The following ZFHX3 variants were observed in gnomAD, a reference collection of about 807,000 sequenced individuals.
ZFHX3 encodes zinc finger homeobox 3.
In ZFHX3, 42 loss-of-function variants were observed where a neutral mutation model predicts 279.1. That is an observed-to-expected ratio of 0.15 (90% confidence interval 0.12 to 0.19). The LOEUF (loss-of-function observed/expected upper bound fraction) is 0.19, where lower values mean the gene tolerates loss of function less well. Ranked by LOEUF, ZFHX3 falls within the 10% of genes least tolerant of loss-of-function variation. ZFHX3 has a pLI of 1.00. For synonymous variants in ZFHX3, 2,293 were observed against 1,957.8 expected (o/e 1.17, Z -4.52); for missense variants, 4,981 against 4,754.0 (o/e 1.05, Z -1.40).
intron 2 of ZFHX3, among the ~76,000 whole-genome samples, chr16:73,576,716 AAAAAC>A (rs1158883323): frequency 1.3e-5 from 2 of 151,932 alleles, no homozygotes; most frequent in Non-Finnish European, 2.9e-5. Flanking sequence ...AAACAAAAAC[AAAAAC>A]AAAAAACCTT....
At chr16:73,059,260 G>A (rs369993223) in exon 1 of ZFHX3, 1 of 149,336 alleles carries the variant, frequency 6.7e-6, no homozygotes, top group Admixed American at 6.7e-5. Context: ...AGGGCAAGGA[G>A]AGCAGGAAGA....
At chr16:73,676,826 G>C (rs555717773) in intron 2 of ZFHX3, among the ~76,000 whole-genome samples, 1 of 151,840 alleles carries the variant, frequency 6.6e-6, no homozygotes. Flanking sequence ...ATTAGTATTA[G>C]AGAAATAAAA....
Position 72,788,077 on chromosome 16 carries a change from T to A in ZFHX3, c.10199A>T (p.Gln3400Leu). Residue 3400 changes from glutamine to leucine, a missense_variant, in exon 10 of 10, where the codon CAA becomes CTA. This residue lies in a region of ZFHX3 where 1,034 missense variants were observed against 786.0 expected (regional missense o/e 1.32). Coordinates refer to ENST00000268489, the MANE Select transcript of ZFHX3 (RefSeq NM_006885.4). ...AGGAGCCCCGGGGGGGACTGGGGTT[T>A]GGCTTGCTTTGGGCTGCTGCTGCTG... The part of the protein sequence containing the change: ...KVQQQQPKAS[Q>L]TPVPPGAPSP... 6.2e-7 allele frequency: 1 copy of A among 1,612,060 alleles called. No individual in the cohort carries two copies.
chr16:73,373,937 A>T (rs1284384071), intron 3 of ZFHX3, among the ~76,000 whole-genome samples: 1 of 152,266 alleles, frequency 6.6e-6, no homozygotes, highest in Non-Finnish European at 1.5e-5. Context: ...ATGTTATTGC[A>T]CATGAGATTG....
At chr16:73,464,854 T>G (rs547690244) in intron 2 of ZFHX3, among the ~76,000 whole-genome samples, 2 of 152,336 alleles carry the variant, frequency 1.3e-5, no homozygotes, top group South Asian at 4.1e-4. Flanking sequence ...TTCATTTTCC[T>G]AGTATGTCCA....
At chr16:73,720,227 C>T (rs1025909783) in intron 1 of ZFHX3, among the ~76,000 whole-genome samples, 10 of 152,146 alleles carry the variant, frequency 6.6e-5, no homozygotes, top group African/African-American at 2.2e-4. Context: ...TAGGGGTATA[C>T]GAAGGAACAC....
chr16:72,913,805 A>G (rs192848334), intron 3 of ZFHX3, among the ~76,000 whole-genome samples: 1 of 152,372 alleles, frequency 6.6e-6, no homozygotes, highest in East Asian at 1.9e-4. Context: ...CTATCTAGAA[A>G]GTCAGAGTTT....
chr16:73,573,396 C>T (rs2051762011), intron 2 of ZFHX3, among the ~76,000 whole-genome samples: 1 of 152,114 alleles, frequency 6.6e-6, no homozygotes, highest in South Asian at 2.1e-4. Flanking sequence ...GCAGGTTCTG[C>T]ACCAACAGAA....
At chr16:73,526,753 T>G (rs1465737686) in intron 2 of ZFHX3, among the ~76,000 whole-genome samples, 2 of 152,170 alleles carry the variant, frequency 1.3e-5, no homozygotes, top group African/African-American at 4.8e-5. Flanking sequence ...GCTAATAATC[T>G]AGCAATTGCT....
chr16:73,857,826 G>A (rs1283034435), intron 1 of ZFHX3, among the ~76,000 whole-genome samples: 1 of 152,142 alleles, frequency 6.6e-6, no homozygotes, highest in African/African-American at 2.4e-5. Flanking sequence ...ATGTCCCTGG[G>A]CCAGGCACGA....
rs553108795 is a variant in ZFHX3, at chr16:72,924,473, G to C, written c.3216+25996C>G. On this transcript the variant is annotated intron_variant, in intron 3 of 9. Transcript: ENST00000268489. Reference sequence around the variant, plus strand: ...TTGTGTCCACAGTGAAAACAACATGGAAGGAACTGGTTATGGGTTTTGACA... The same window carrying C: ...TTGTGTCCACAGTGAAAACAACATGCAAGGAACTGGTTATGGGTTTTGACA... Among the ~76,000 whole-genome samples the C allele has an allele frequency of 2.0e-5, 3 of 152,288 alleles. No homozygotes were observed. The South Asian group carries it at 6.2e-4, about 32-fold the overall frequency.
intron 5 of ZFHX3, among the ~76,000 whole-genome samples, chr16:73,173,404 C>T (rs1459148855): frequency 1.5e-5 from 2 of 134,238 alleles, no homozygotes; most frequent in Admixed American, 7.7e-5. Flanking sequence ...CCTCTCTTCT[C>T]GCTCTCCCCA....
At chr16:73,524,049 G>A (rs757046308) in intron 2 of ZFHX3, among the ~76,000 whole-genome samples, 2 of 152,150 alleles carry the variant, frequency 1.3e-5, no homozygotes, top group Non-Finnish European at 2.9e-5. Flanking sequence ...GCTGTGCCAG[G>A]AACCATAGTA....
chr16:72,878,468 A>C (rs1006990961), intron 4 of ZFHX3, among the ~76,000 whole-genome samples: 1 of 152,208 alleles, frequency 6.6e-6, no homozygotes, highest in African/African-American at 2.4e-5. Context: ...ATGGACTCAC[A>C]CAAGGAAGTC....
chr16:73,784,816 TACACAC>T (rs58711157), intron 1 of ZFHX3, among the ~76,000 whole-genome samples: 1 of 135,510 alleles, frequency 7.4e-6, no homozygotes, highest in Non-Finnish European at 1.5e-5. Context: ...TATATATATA[TACACAC>T]ACACACACAC....
chr16:73,583,882 G>A (rs967067787), intron 2 of ZFHX3, among the ~76,000 whole-genome samples: 12 of 151,864 alleles, frequency 7.9e-5, no homozygotes, highest in Admixed American at 1.3e-4. Flanking sequence ...TAATATGAAC[G>A]TATACAAAAT....
At chr16:73,123,206 T>A (rs1192955028) in intron 7 of ZFHX3, 2 of 135,814 alleles carry the variant, frequency 1.5e-5, no homozygotes, top group African/African-American at 2.8e-5. Context: ...TGTGGTAGAT[T>A]AAAAAAAAAA....
At chr16:72,845,054 C>A (rs2037443185) in intron 4 of ZFHX3, among the ~76,000 whole-genome samples, 2 of 152,064 alleles carry the variant, frequency 1.3e-5, no homozygotes, top group South Asian at 4.2e-4. Context: ...CGAGGGAGGC[C>A]CCGGCAGGTT....
At chr16:73,646,942 G>A (rs1441738734) in intron 2 of ZFHX3, among the ~76,000 whole-genome samples, 5 of 151,930 alleles carry the variant, frequency 3.3e-5, no homozygotes, top group Non-Finnish European at 7.4e-5. Flanking sequence ...ACGTAATTAC[G>A]CAGGGAGAAT....
Sources: allele counts gnomAD v4.1 joint callset (sites outside exome capture counted in the v4.1 genomes callset), GRCh38; gene constraint gnomAD v4.1.1; regional missense constraint gnomAD v4.1.1; transcripts MANE v1.5; gene names NCBI Gene and HGNC (gene_info 2026-07-23, HGNC 2026-07-21).